The following CUL5 variants were observed in gnomAD, a reference collection of about 807,000 sequenced individuals.
CUL5 encodes cullin 5.
A neutral mutation model predicts 108.8 loss-of-function variants in CUL5; 26 were observed. The ratio of observed to expected loss-of-function variants is 0.24; its 90% CI spans 0.18 to 0.33. The LOEUF is 0.33. Among genes scored for constraint, CUL5 ranks in the 10% least tolerant of loss-of-function variants. CUL5 has a pLI of 1.00. For missense variants in CUL5, 524 were observed against 909.2 expected, an observed-to-expected ratio of 0.58 and a Z score of 5.45; for synonymous variants, 334 against 298.0, an observed-to-expected ratio of 1.12 and a Z score of -1.25.
At chr11:108,039,515 T>C (rs1156432575) in intron 2 of CUL5, among the ~76,000 whole-genome samples, 1 of 152,224 alleles carries the variant, frequency 6.6e-6, no homozygotes, top group Non-Finnish European at 1.5e-5. Context: ...CATTTTTAAG[T>C]GTACAATTCA....
At chr11:108,087,854 G>A (rs1352443226) in intron 11 of CUL5, among the ~76,000 whole-genome samples, 1 of 151,972 alleles carries the variant, frequency 6.6e-6, no homozygotes, top group East Asian at 1.9e-4. Context: ...AATCCCGGCT[G>A]CTCTGGAGGC....
intron 16 of CUL5, among the ~76,000 whole-genome samples, 162 bp downstream of exon 16, chr11:108,095,853 T>C (rs1591333917): frequency 6.6e-6 from 1 of 152,198 alleles, no homozygotes; most frequent in South Asian, 2.1e-4. Flanking sequence ...CCCAGCACTT[T>C]GGAAGGCCGA....
intron 7 of CUL5, among the ~76,000 whole-genome samples, chr11:108,059,694 C>T (rs755988951): frequency 4.6e-5 from 7 of 151,638 alleles, no homozygotes; most frequent in South Asian, 2.1e-4. Flanking sequence ...CTGGCCAACA[C>T]GGTGAAACCC....
At chr11:108,044,970 C>T (rs935271523) in intron 2 of CUL5, among the ~76,000 whole-genome samples, 4 of 152,032 alleles carry the variant, frequency 2.6e-5, no homozygotes, top group Admixed American at 2.6e-4. Context: ...ACCATGTTGG[C>T]CAGGCTGGTC....
At chr11:108,038,550 C>T (rs1352835450) in intron 2 of CUL5, among the ~76,000 whole-genome samples, 11 of 151,852 alleles carry the variant, frequency 7.2e-5, no homozygotes, top group Admixed American at 2.6e-4. Context: ...TGGTGGGCCT[C>T]AGTAATTCCA....
intron 1 of CUL5, among the ~76,000 whole-genome samples, chr11:108,029,617 C>T (rs1862528799): frequency 1.3e-5 from 2 of 152,126 alleles, no homozygotes; most frequent in South Asian, 4.1e-4. Context: ...TAATGATATG[C>T]TCTTCAGTTT....
rs766192981 is a variant in CUL5 at position 108,068,512 on chromosome 11, AG to A, written c.781-1583del. On this transcript the variant is annotated intron_variant, in intron 7 of 18. Coordinates refer to ENST00000393094, the MANE Select transcript of CUL5 (RefSeq NM_003478.6). Reference sequence around the variant, plus strand: ...AGCATTTTTACAATGTAGGAAGAACAGTATAATGAATCCCCATTACCTAAAT... The same window carrying A: ...AGCATTTTTACAATGTAGGAAGAACATATAATGAATCCCCATTACCTAAAT... Among the ~76,000 whole-genome samples the A allele has an allele frequency of 3.2e-3, 493 of 152,258 alleles. 3 individuals are homozygous for A. The highest frequency in any genetic ancestry group is 3.1e-3 in the Non-Finnish European group (208 of 68,018).
chr11:108,074,456 A>G (rs1052535231), intron 10 of CUL5, among the ~76,000 whole-genome samples: 3 of 151,566 alleles, frequency 2.0e-5, no homozygotes, highest in African/African-American at 7.3e-5. Context: ...CGGCCTCCCA[A>G]AGTGCTGGGA....
At chr11:108,098,896 G>A (rs1864568508) in intron 18 of CUL5, among the ~76,000 whole-genome samples, 1 of 151,584 alleles carries the variant, frequency 6.6e-6, no homozygotes. Flanking sequence ...AATATAATAA[G>A]TAACACCTAC....
Position 108,106,183 on chromosome 11 carries a change from A to G in CUL5, c.*1799A>G, listed in dbSNP as rs1864796301. 6.6e-6 allele frequency: 1 copy of G among 152,592 alleles called. No individual in the cohort carries two copies. The highest frequency in any genetic ancestry group is 1.5e-5 in the Non-Finnish European group (1 of 68,002). 9.5% of individuals were successfully genotyped at this position (152,592 alleles called of 1,614,324 possible). A position where few individuals can be genotyped will look rare whatever the true frequency, so the allele number is the denominator to read the frequency against. Reference sequence around the variant, plus strand: ...AATTTAGAAGAAATAATTTTGTAGTAATTGTGGCCCTTATGTTTAACAGAT... The same window carrying G: ...AATTTAGAAGAAATAATTTTGTAGTGATTGTGGCCCTTATGTTTAACAGAT... On this transcript the variant is annotated 3_prime_UTR_variant, in exon 19 of 19. Coordinates refer to ENST00000393094, the MANE Select transcript of CUL5 (RefSeq NM_003478.6).
At chr11:108,029,235 C>G (rs1193773809) in intron 1 of CUL5, among the ~76,000 whole-genome samples, 1 of 151,974 alleles carries the variant, frequency 6.6e-6, no homozygotes, top group Non-Finnish European at 1.5e-5. Context: ...CCCCCATTGT[C>G]AACTCCCTGT....
At chr11:108,073,687 C>A (rs1565258944) in intron 10 of CUL5, 190 bp downstream of exon 10, 2 of 347,940 alleles carry the variant, frequency 5.7e-6, no homozygotes, top group Non-Finnish European at 1.0e-5. Context: ...CATTAGATAG[C>A]CTTGTGAATT....
At chr11:108,099,892 TAAAC>T (rs143178548) in intron 18 of CUL5, among the ~76,000 whole-genome samples, 3,023 of 151,488 alleles carry the variant, frequency 0.02, 51 homozygotes, top group Middle Eastern at 0.11. Context: ...TTGAATAACT[TAAAC>T]AAAAAAAAAA....
rs1344363721 is a variant in CUL5, at chr11:108,057,309, C to T, written c.780+2354C>T. Among the ~76,000 whole-genome samples, 6 of 151,966 alleles carry T rather than the reference C, an allele frequency of 3.9e-5. No individual in the cohort carries two copies. The South Asian group carries it at 1.0e-3, about 26-fold the overall frequency. ...TCCCAGAGTGCTAGGATTACAGGCA[C>T]GAGCCACGGCACTTGGCAGTAACGG... On this transcript the variant is annotated intron_variant, in intron 7 of 18. Coordinates refer to ENST00000393094, the MANE Select transcript of CUL5 (RefSeq NM_003478.6).
At chr11:108,096,565 T>C (rs1864503099) in intron 16 of CUL5, among the ~76,000 whole-genome samples, 1 of 5,926 alleles carries the variant, frequency 1.7e-4, no homozygotes, top group African/African-American at 4.4e-4. Context: ...AGCTATGTAC[T>C]TTTTTTTTTT....
chr11:108,095,084 T>C (rs1218714156), intron 15 of CUL5, 97 bp downstream of exon 15: 1 of 1,053,380 alleles, frequency 9.5e-7, no homozygotes, highest in Non-Finnish European at 1.4e-6. Context: ...TTTGCCTCTC[T>C]CACATGTAAA....
chr11:108,098,695 A>G (rs1864562329), intron 18 of CUL5, among the ~76,000 whole-genome samples, 166 bp downstream of exon 18: 1 of 151,898 alleles, frequency 6.6e-6, no homozygotes. Context: ...TTTCTTGGGC[A>G]ACAAAGTGAG....
intron 2 of CUL5, among the ~76,000 whole-genome samples, chr11:108,034,491 A>G (rs1015379754): frequency 3.9e-5 from 6 of 152,208 alleles, no homozygotes; most frequent in African/African-American, 1.4e-4. Context: ...GCCAAAGGCT[A>G]ATCTTACAAG....
intron 11 of CUL5, among the ~76,000 whole-genome samples, chr11:108,080,130 G>A (rs1204508664): frequency 1.2e-4 from 15 of 120,452 alleles, no homozygotes; most frequent in Non-Finnish European, 2.5e-4. Context: ...TTTTTTTTCC[G>A]GTATTCGTAT....
Sources: gnomAD v4.1 joint callset for allele counts (sites outside exome capture counted in the v4.1 genomes callset) on GRCh38, gnomAD v4.1.1 for gene constraint, MANE v1.5 for transcripts, NCBI Gene and HGNC (gene_info 2026-07-23, HGNC 2026-07-21) for gene names.